RPAP3: variants seen among roughly 807,000 people sequenced by gnomAD.
RPAP3 encodes the protein RNA polymerase II associated protein 3.
A neutral mutation model predicts 88.8 loss-of-function variants in RPAP3; 58 were observed. That is an observed-to-expected ratio of 0.65 (90% CI 0.53 to 0.81). The LOEUF (loss-of-function observed/expected upper bound fraction) is 0.81, where lower values mean the gene tolerates loss of function less well. Among genes scored for constraint, RPAP3 ranks in the 40% least tolerant of loss-of-function variants. The pLI, the probability that RPAP3 is intolerant of heterozygous loss-of-function variation, is 0.00. For synonymous variants in RPAP3, 255 were observed against 259.9 expected, an observed-to-expected ratio of 0.98 and a Z score of 0.18; for missense variants, 751 against 764.3, an observed-to-expected ratio of 0.98 and a Z score of 0.20.
At position 47,663,458 on chromosome 12, in the gene RPAP3, A is replaced by C. The variant is rs1938799829; in HGVS notation, c.*47T>G. 7.9e-7 allele frequency: 1 copy of C among 1,267,968 alleles called. No individual in the cohort carries two copies. Among genetic ancestry groups the C allele is most frequent in the Non-Finnish European group, 1.1e-6 (1 of 887,268 alleles). The allele number at this position is 1,267,968 out of a possible 1,614,324, so 78.5% of individuals were successfully genotyped here. The stretch of plus-strand genomic sequence containing the variant: ...AAAGCAAAACACTTTCAGTAGAAAA[A>C]ATTTACATATGAAAGTCAAAAACAA... On this transcript the variant is annotated 3_prime_UTR_variant, in exon 17 of 17. Coordinates refer to ENST00000005386, the MANE Select transcript of RPAP3 (RefSeq NM_024604.3).
intron 7 of RPAP3, 74 bp downstream of exon 7, chr12:47,689,051 C>CA (rs1211230964): frequency 2.8e-6 from 2 of 706,308 alleles, no homozygotes; most frequent in Admixed American, 2.8e-5. Context: ...ATCTATAGTA[C>CA]AAAATCTATG....
intron 6 of RPAP3, among the ~76,000 whole-genome samples, chr12:47,690,283 T>C (rs777790830): frequency 3.3e-4 from 51 of 152,310 alleles, no homozygotes; most frequent in Non-Finnish European, 5.7e-4. Flanking sequence ...TCAGAGGAGA[T>C]ATTGGTCACA....
intron 16 of RPAP3, among the ~76,000 whole-genome samples, chr12:47,666,363 T>G (rs1186890862): frequency 2.6e-5 from 4 of 152,232 alleles, no homozygotes; most frequent in Non-Finnish European, 5.9e-5. Context: ...TTAAATTCTC[T>G]GGACTCAATT....
At chr12:47,681,626 C>T (rs1939224604) in intron 10 of RPAP3, 70 bp downstream of exon 10, 5 of 1,504,972 alleles carry the variant, frequency 3.3e-6, no homozygotes, top group Non-Finnish European at 4.5e-6. Flanking sequence ...GGGTAAGCTA[C>T]ATGAATCTCT....
In RPAP3 at chr12:47,681,029, G is replaced by C. The variant is rs11168197; in HGVS notation, c.1114+667C>G. Among the ~76,000 whole-genome samples the C allele has an allele frequency of 5.0e-4, 76 of 150,586 alleles. No homozygotes were observed. In the East Asian group the frequency reaches 8.5e-3, roughly 17 times the overall value. ...GAACCAAGATGGCCAAGTGGAGTTT[G>C]CACAAAAACGAGTTTGCTGATGTCA... is the stretch of plus-strand genomic sequence containing the variant. On this transcript the variant is annotated intron_variant, in intron 10 of 16. Coordinates refer to ENST00000005386, the MANE Select transcript of RPAP3 (RefSeq NM_024604.3).
In RPAP3 at chr12:47,669,023, G is replaced by C. The variant is rs2136607686; in HGVS notation, c.1606C>G (p.Gln536Glu). Residue 536 changes from glutamine (Q) to glutamate (E), a missense_variant, in exon 14 of 17, where the codon CAG becomes GAG. Physicochemically the swap from Gln to Glu is conservative, Grantham distance 29. Coordinates refer to ENST00000005386, the MANE Select transcript of RPAP3 (RefSeq NM_024604.3). ...MPIEIEQKPA[Q>E]FATTVLPPIP... ...GGAGGAAGAACAGTTGTGGCAAACT[G>C]AGCAGGTTTTTGTTCTATCTCTATG... 6.2e-7 allele frequency: 1 copy of C among 1,613,704 alleles called. No individual in the cohort carries two copies. Among genetic ancestry groups the C allele is most frequent in the African/African-American group, 1.3e-5 (1 of 75,018 alleles).
chr12:47,666,250 T>C (rs1938871933), intron 16 of RPAP3, among the ~76,000 whole-genome samples: 2 of 152,234 alleles, frequency 1.3e-5, no homozygotes, highest in South Asian at 4.1e-4. Context: ...AAACGGACTC[T>C]TTATGCCAAA....
At chr12:47,681,953 A>G in intron 9 of RPAP3, 136 bp from the exon 10 acceptor site, 1 of 813,842 alleles carries the variant, frequency 1.2e-6, no homozygotes. Context: ...GAAGTGGAGA[A>G]CTATTTTATA....
In RPAP3 at chr12:47,699,959, G is replaced by A. The variant is rs370915388; in HGVS notation, c.294+1505C>T. The A allele has an allele frequency of 4.7e-5, 7 of 150,328 alleles. No homozygotes were observed. The South Asian group carries it at 8.4e-4, about 18-fold the overall frequency. 9.3% of individuals were successfully genotyped at this position (150,328 alleles called of 1,614,324 possible). A position where few individuals can be genotyped will look rare whatever the true frequency, so the allele number is the denominator to read the frequency against. On this transcript the variant is annotated intron_variant, in intron 3 of 16. Coordinates refer to ENST00000005386, the MANE Select transcript of RPAP3 (RefSeq NM_024604.3). Reference sequence around the variant, plus strand: ...GGCTACTTTTCAGAGGTCATCTACTGAAAGGAAGGCCTCTGCGAGGCTGGA... The same window carrying A: ...GGCTACTTTTCAGAGGTCATCTACTAAAAGGAAGGCCTCTGCGAGGCTGGA...
intron 16 of RPAP3, among the ~76,000 whole-genome samples, chr12:47,665,266 T>C (rs1479744159): frequency 2.6e-5 from 4 of 151,466 alleles, no homozygotes; most frequent in Non-Finnish European, 4.4e-5. Context: ...CCAGCTAATT[T>C]TTTTCTTTCT....
In RPAP3 at chr12:47,661,585, C is replaced by G. The variant is rs1240965473; in HGVS notation, c.*1920G>C. ...GTCTTAAATCACTACATGAAAATGT[C>G]TCTGGGGAGAAATCAGGCTAACATC... On this transcript the variant is annotated 3_prime_UTR_variant, in exon 17 of 17. Coordinates refer to ENST00000005386, the MANE Select transcript of RPAP3 (RefSeq NM_024604.3). 1 of 152,202 alleles carries G rather than the reference C, an allele frequency of 6.6e-6. No homozygotes were observed. Among genetic ancestry groups the G allele is most frequent in the Non-Finnish European group, 1.5e-5 (1 of 68,038 alleles). The allele number at this position is 152,202 out of a possible 1,614,324, so 9.4% of individuals were successfully genotyped here. A position where few individuals can be genotyped will look rare whatever the true frequency, so the allele number is the denominator to read the frequency against.
intron 7 of RPAP3, 55 bp from the exon 8 acceptor site, chr12:47,688,056 T>C: frequency 6.9e-7 from 1 of 1,444,864 alleles, no homozygotes. Flanking sequence ...GATGCATATA[T>C]ATTTGACCTT....
At chr12:47,684,428 C>T (rs1382990402) in intron 9 of RPAP3, among the ~76,000 whole-genome samples, 1 of 152,132 alleles carries the variant, frequency 6.6e-6, no homozygotes, top group East Asian at 1.9e-4. Context: ...AGGATGGTTA[C>T]CTAAACTAGG....
In RPAP3 at chr12:47,679,685, G is replaced by A; in HGVS notation, c.1185+19C>T. On this transcript the variant is annotated intron_variant, in intron 11 of 16. Transcript: ENST00000005386. Reference sequence around the variant, plus strand: ...GTTTCAGAAAATATGACCATGTTTGGGTGAAAAGAATACATTACCTTTTTA... The same window carrying A: ...GTTTCAGAAAATATGACCATGTTTGAGTGAAAAGAATACATTACCTTTTTA... 3 of 1,571,288 alleles carry A rather than the reference G, an allele frequency of 1.9e-6. No individual in the cohort carries two copies. The highest frequency in any genetic ancestry group is 2.6e-6 in the Non-Finnish European group (3 of 1,148,080).
Position 47,693,657 on chromosome 12 carries a change from A to C in RPAP3, c.545+2619T>G, listed in dbSNP as rs1046560813. Among the ~76,000 whole-genome samples the C allele has an allele frequency of 1.2e-4, 19 of 152,330 alleles. 1 individual carries two copies. The highest frequency in any genetic ancestry group is 6.8e-3 in the Middle Eastern group (2 of 294). ...GAGAGAAACAAGAATGCCCATTATC[A>C]CTGCTTTTTCTTGGTATTACATACA... On this transcript the variant is annotated intron_variant, in intron 5 of 16. Transcript: ENST00000005386.
At position 47,690,547 on chromosome 12, in the gene RPAP3, G is replaced by A; in HGVS notation, c.638C>T (p.Ala213Val). Residue 213 changes from alanine to valine, a missense_variant, in exon 6 of 17, where the codon GCT (alanine) becomes GTT (valine). By Grantham distance (64) the Ala-to-Val change is moderately conservative. Coordinates refer to ENST00000005386, the MANE Select transcript of RPAP3 (RefSeq NM_024604.3). Reference sequence around the variant, plus strand: ...TTTGGCCTCTTCTAATTTTTGCAAAGCAAATCGAGCAGCACCTCGTCTGGA... The same window carrying A: ...TTTGGCCTCTTCTAATTTTTGCAAAACAAATCGAGCAGCACCTCGTCTGGA... ...AYSRRGAARF[A>V]LQKLEEAKKD... 1.2e-6 allele frequency: 2 copies of A among 1,602,010 alleles called. No individual in the cohort carries two copies. Among genetic ancestry groups the A allele is most frequent in the East Asian group, 4.5e-5 (2 of 44,550 alleles).
intron 2 of RPAP3, 115 bp downstream of exon 2, chr12:47,702,573 T>A: frequency 2.3e-6 from 2 of 882,812 alleles, no homozygotes; most frequent in South Asian, 2.0e-5. Flanking sequence ...AAAAGAAAAT[T>A]GACAGTGAAG....
chr12:47,687,216 G>A (rs905512314), intron 8 of RPAP3, among the ~76,000 whole-genome samples: 3 of 152,070 alleles, frequency 2.0e-5, no homozygotes, highest in South Asian at 2.1e-4. Context: ...TTTAACAAAG[G>A]TCCAAATAAT....
At chr12:47,691,009 A>G (rs1939417740) in intron 5 of RPAP3, among the ~76,000 whole-genome samples, 1 of 152,228 alleles carries the variant, frequency 6.6e-6, no homozygotes, top group Admixed American at 6.5e-5. Context: ...AAAAATGCTA[A>G]TAAAATCTGA....
Sources: gnomAD v4.1 joint callset for allele counts (sites outside exome capture counted in the v4.1 genomes callset) on GRCh38, gnomAD v4.1.1 for gene constraint, MANE v1.5 for transcripts, NCBI Gene and HGNC (gene_info 2026-07-23, HGNC 2026-07-21) for gene names.